KIAA0825: variants seen among roughly 807,000 people sequenced by gnomAD.
The protein encoded by KIAA0825 is KIAA0825, also known as uncharacterized protein KIAA0825.
A neutral mutation model predicts 147.6 loss-of-function variants in KIAA0825; 119 were observed. That is an observed-to-expected ratio of 0.81 (90% CI 0.69 to 0.94). The LOEUF (loss-of-function observed/expected upper bound fraction) is 0.94. KIAA0825 is among the 40% of genes least tolerant of loss of function. KIAA0825 has a pLI of 0.00. For missense variants in KIAA0825, 1,381 were observed against 1,472.7 expected, an observed-to-expected ratio of 0.94 and a Z score of 1.02; for synonymous variants, 470 against 518.1, an observed-to-expected ratio of 0.91 and a Z score of 1.26.
chr5:94,216,542 T>A (rs1773215478), intron 20 of KIAA0825, among the ~76,000 whole-genome samples: 1 of 152,146 alleles, frequency 6.6e-6, no homozygotes, highest in African/African-American at 2.4e-5. Context: ...CAAAAGGCAA[T>A]GATTACCTAG....
intron 20 of KIAA0825, among the ~76,000 whole-genome samples, chr5:94,293,644 G>C (rs573164862): frequency 6.6e-6 from 1 of 152,276 alleles, no homozygotes; most frequent in South Asian, 2.1e-4. Context: ...GTCCAGAGCT[G>C]AGTTCAAGTC....
chr5:94,529,279 CAT>C (rs1183870853), intron 3 of KIAA0825, among the ~76,000 whole-genome samples: 8 of 134,498 alleles, frequency 5.9e-5, no homozygotes, highest in South Asian at 4.4e-4. Flanking sequence ...ATGTATGTAT[CAT>C]ATATATGTAT....
intron 14 of KIAA0825, among the ~76,000 whole-genome samples, chr5:94,436,521 T>C (rs565848948): frequency 2.0e-5 from 3 of 152,204 alleles, no homozygotes; most frequent in Non-Finnish European, 4.4e-5. Flanking sequence ...TTGGTTACTA[T>C]AGCCCTGTAG....
At chr5:94,257,585 G>A (rs1776307617) in intron 20 of KIAA0825, among the ~76,000 whole-genome samples, 1 of 152,062 alleles carries the variant, frequency 6.6e-6, no homozygotes, top group Admixed American at 6.6e-5. Context: ...GGTTAGTCAA[G>A]AGGGTTTCTC....
At chr5:94,281,400 G>A (rs1467108796) in intron 20 of KIAA0825, among the ~76,000 whole-genome samples, 1 of 152,028 alleles carries the variant, frequency 6.6e-6, no homozygotes, top group East Asian at 1.9e-4. Context: ...TTTCCAAGTT[G>A]GCCACACATT....
At chr5:94,199,660 T>G (rs1221365769) in intron 20 of KIAA0825, among the ~76,000 whole-genome samples, 1 of 152,086 alleles carries the variant, frequency 6.6e-6, no homozygotes, top group African/African-American at 2.4e-5. Context: ...CAGTGGTGAG[T>G]TCCCCCATGC....
Position 94,285,579 on chromosome 5 carries a change from T to G in KIAA0825, c.3710+98789A>C, listed in dbSNP as rs557447368. On this transcript the variant is annotated intron_variant, in intron 20 of 20. Coordinates refer to ENST00000682413, the MANE Select transcript of KIAA0825 (RefSeq NM_001145678.3). ...TCAAGAGACAAGCAATTGGACTTTC[T>G]TGCAAAGATAATATGGTTTTAGGTT... Among the ~76,000 whole-genome samples the G allele has an allele frequency of 2.0e-5, 3 of 152,312 alleles. No homozygotes were observed. In the East Asian group the frequency reaches 5.8e-4, roughly 29 times the overall value.
At chr5:94,235,260 C>T (rs371347424) in intron 20 of KIAA0825, among the ~76,000 whole-genome samples, 7 of 152,320 alleles carry the variant, frequency 4.6e-5, no homozygotes, top group African/African-American at 1.7e-4. Flanking sequence ...AAAAGTGCTA[C>T]TCCAATGAAC....
intron 1 of KIAA0825, chr5:94,594,873 ATAG>A (rs1196944235): frequency 3.5e-6 from 1 of 289,330 alleles, no homozygotes; most frequent in African/African-American, 2.3e-5. Flanking sequence ...CAAATAAAAA[ATAG>A]TAGATAAAAA....
intron 20 of KIAA0825, among the ~76,000 whole-genome samples, chr5:94,201,414 TA>T (rs1014482944): frequency 1.1e-4 from 17 of 150,952 alleles, no homozygotes; most frequent in Admixed American, 9.3e-4. Context: ...AATGACACTT[TA>T]AAAAAAAATT....
At chr5:94,437,408 T>G (rs1246603263) in intron 14 of KIAA0825, among the ~76,000 whole-genome samples, 1 of 152,164 alleles carries the variant, frequency 6.6e-6, no homozygotes. Context: ...CAAGACAATA[T>G]CACTGCAGTC....
At chr5:94,564,721 G>A (rs574902445) in intron 2 of KIAA0825, among the ~76,000 whole-genome samples, 1 of 152,164 alleles carries the variant, frequency 6.6e-6, no homozygotes, top group Non-Finnish European at 1.5e-5. Context: ...TGTTACAAGA[G>A]TAGGTTAGAG....
intron 1 of KIAA0825, among the ~76,000 whole-genome samples, chr5:94,588,314 A>G (rs1783700066): frequency 6.6e-6 from 1 of 152,228 alleles, no homozygotes; most frequent in South Asian, 2.1e-4. Context: ...GCTAATATCC[A>G]GAATCTACAA....
Position 94,221,693 on chromosome 5 carries a change from T to C in KIAA0825, c.3711-67569A>G, listed in dbSNP as rs1044001369. Among the ~76,000 whole-genome samples the C allele has an allele frequency of 3.3e-5, 5 of 152,118 alleles. 1 individual carries two copies. The highest frequency in any genetic ancestry group is 1.2e-4 in the African/African-American group (5 of 41,438). Reference sequence around the variant, plus strand: ...TCCTCTGCTGCCTGAGCTTTCAAGATTTCAAGATCATGGAAAACCTAAGTA... The same window carrying C: ...TCCTCTGCTGCCTGAGCTTTCAAGACTTCAAGATCATGGAAAACCTAAGTA... On this transcript the variant is annotated intron_variant, in intron 20 of 20. Coordinates refer to ENST00000682413, the MANE Select transcript of KIAA0825 (RefSeq NM_001145678.3).
At chr5:94,361,157 C>A (rs1238736846) in intron 20 of KIAA0825, among the ~76,000 whole-genome samples, 2 of 152,166 alleles carry the variant, frequency 1.3e-5, no homozygotes, top group Non-Finnish European at 2.9e-5. Context: ...TATTTTCTTA[C>A]ATAAAATGAA....
At chr5:94,364,530 T>C (rs533603308) in intron 20 of KIAA0825, among the ~76,000 whole-genome samples, 37 of 152,070 alleles carry the variant, frequency 2.4e-4, no homozygotes, top group Non-Finnish European at 4.7e-4. Context: ...TACAGGCACC[T>C]GACACCACGC....
chr5:94,324,686 A>G (rs981404195), intron 20 of KIAA0825, among the ~76,000 whole-genome samples: 1 of 151,956 alleles, frequency 6.6e-6, no homozygotes, highest in Admixed American at 6.6e-5. Flanking sequence ...ACATGATGTA[A>G]TCAGGATAAC....
chr5:94,343,096 A>C (rs992485787), intron 20 of KIAA0825, among the ~76,000 whole-genome samples: 7 of 152,224 alleles, frequency 4.6e-5, no homozygotes, highest in African/African-American at 1.4e-4. Context: ...TTAAAGACCC[A>C]TGGAGGAAAT....
intron 20 of KIAA0825, among the ~76,000 whole-genome samples, chr5:94,218,857 T>G (rs890302932): frequency 6.6e-6 from 1 of 152,200 alleles, no homozygotes; most frequent in Non-Finnish European, 1.5e-5. Context: ...ATTACTCCTC[T>G]GCCCTTAACC....
Sources: allele counts gnomAD v4.1 joint callset (sites outside exome capture counted in the v4.1 genomes callset), GRCh38; gene constraint gnomAD v4.1.1; transcripts MANE v1.5; gene names NCBI Gene and HGNC (gene_info 2026-07-23, HGNC 2026-07-21).